HELQ: variants seen among roughly 807,000 people sequenced by gnomAD.
HELQ encodes helicase POLQ-like.
HELQ carries 77 observed loss-of-function variants against 111.6 expected under a neutral mutation model. The ratio of observed to expected loss-of-function variants is 0.69; its 90% CI spans 0.57 to 0.83. HELQ has a LOEUF of 0.83. HELQ is among the 40% of genes least tolerant of loss of function. The probability of loss-of-function intolerance (pLI) is 0.00; values close to 1 mark genes in which losing one functional copy is unlikely to be tolerated. For missense variants in HELQ, 1,200 were observed against 1,288.5 expected (o/e 0.93, Z 1.05); for synonymous variants, 438 against 454.7 (o/e 0.96, Z 0.47).
intron 1 of HELQ, 42 bp downstream of exon 1, chr4:83,455,355 G>A: frequency 6.3e-7 from 1 of 1,593,554 alleles, no homozygotes; most frequent in Non-Finnish European, 8.6e-7. Flanking sequence ...ATCTGGGAAG[G>A]ATGCCAAAAG....
At position 83,409,850 on chromosome 4, in the gene HELQ, A is replaced by G. The variant is rs545267433; in HGVS notation, c.3199-2290T>C. The stretch of plus-strand genomic sequence containing the variant: ...AAAATCATATTAGAAATAAAAACTA[A>G]TAACTATAACTAAATAACTGGGTGT... On this transcript the variant is annotated intron_variant, in intron 17 of 17. Coordinates refer to ENST00000295488, the MANE Select transcript of HELQ (RefSeq NM_133636.5). Among the ~76,000 whole-genome samples, 4 of 152,274 alleles carry G rather than the reference A, an allele frequency of 2.6e-5. No homozygotes were observed. In the South Asian group the frequency reaches 6.2e-4, roughly 24 times the overall value.
In HELQ at chr4:83,416,877, T is replaced by G; in HGVS notation, c.3064-12A>C. On this transcript the variant is annotated splice_polypyrimidine_tract_variant and intron_variant, in intron 16 of 17. Coordinates refer to ENST00000295488, the MANE Select transcript of HELQ (RefSeq NM_133636.5). ...TGTTTTGCTCGACCCTGAAAAGTGT[T>G]ACAAAAATCAGTAGGATAATAGTTT... is the stretch of plus-strand genomic sequence containing the variant. 6.3e-7 allele frequency: 1 copy of G among 1,583,170 alleles called. No individual in the cohort carries two copies. Among genetic ancestry groups the G allele is most frequent in the Non-Finnish European group, 8.6e-7 (1 of 1,168,966 alleles).
chr4:83,432,003 T>C (rs1375122360), intron 10 of HELQ, 123 bp downstream of exon 10: 3 of 568,908 alleles, frequency 5.3e-6, no homozygotes, highest in Non-Finnish European at 8.5e-6. Context: ...CTTAATCATA[T>C]AGGAAAGAAA....
intron 8 of HELQ, 83 bp downstream of exon 8, chr4:83,439,776 ATAAT>A: frequency 9.1e-6 from 8 of 875,602 alleles, no homozygotes; most frequent in Non-Finnish European, 1.4e-5. Context: ...TTTGCAAGGC[ATAAT>A]TAGTGTTTGC....
At chr4:83,445,283 G>A (rs1369410118) in intron 5 of HELQ, among the ~76,000 whole-genome samples, 3 of 152,172 alleles carry the variant, frequency 2.0e-5, no homozygotes, top group Non-Finnish European at 2.9e-5. Context: ...ATTCACTGCT[G>A]TATCCCTAGC....
At chr4:83,450,151 C>T (rs1405880719) in intron 2 of HELQ, among the ~76,000 whole-genome samples, 1 of 136,604 alleles carries the variant, frequency 7.3e-6, no homozygotes. Flanking sequence ...GTACAATCAA[C>T]CAATGAGATT....
chr4:83,418,422 T>C (rs946547724), intron 15 of HELQ, among the ~76,000 whole-genome samples: 3 of 152,078 alleles, frequency 2.0e-5, no homozygotes, highest in Non-Finnish European at 4.4e-5. Flanking sequence ...GAGGAAAAGA[T>C]TGAAAATTGA....
intron 9 of HELQ, among the ~76,000 whole-genome samples, chr4:83,433,867 G>T (rs1467941447): frequency 6.6e-6 from 1 of 151,028 alleles, no homozygotes; most frequent in Non-Finnish European, 1.5e-5. Flanking sequence ...TGTAATCCCA[G>T]CTACTTGGGA....
chr4:83,446,180 G>T (rs935244110), intron 4 of HELQ, 94 bp from the exon 5 acceptor site: 2 of 843,054 alleles, frequency 2.4e-6, no homozygotes, highest in Non-Finnish European at 4.0e-6. Flanking sequence ...TGTTTGTAAA[G>T]AGTTGCTTAT....
intron 7 of HELQ, 34 bp downstream of exon 7, chr4:83,441,271 T>C: frequency 8.3e-7 from 1 of 1,204,672 alleles, no homozygotes; most frequent in Non-Finnish European, 1.2e-6. Context: ...ACACAAAGTC[T>C]GGTAACCTGG....
chr4:83,421,808 A>G, intron 14 of HELQ, 72 bp from the exon 15 acceptor site: 1 of 1,196,906 alleles, frequency 8.4e-7, no homozygotes, highest in Non-Finnish European at 1.2e-6. Flanking sequence ...ATTGGACAAA[A>G]GGAAAACTGA....
At chr4:83,431,589 TA>T in intron 11 of HELQ, 74 bp downstream of exon 11, 1 of 583,160 alleles carries the variant, frequency 1.7e-6, no homozygotes, top group Non-Finnish European at 2.9e-6. Flanking sequence ...GTTGCATATA[TA>T]AAGTTATTGC....
intron 15 of HELQ, among the ~76,000 whole-genome samples, chr4:83,421,322 C>G (rs574125083): frequency 1.3e-5 from 2 of 152,282 alleles, no homozygotes; most frequent in Admixed American, 6.5e-5. Flanking sequence ...CAAAAAGACA[C>G]TTTTCATTAT....
chr4:83,429,694 C>T lies in HELQ; in HGVS notation c.2348G>A (p.Gly783Asp). ...TTTCAATAAAACCTTTTGCTGAACA[C>T]CAAAAAATGTACCATTCATGAAATG... ...IYHFMNGTFFGVQQKVLLKEK... is the reference protein window; with the variant it reads ...IYHFMNGTFFDVQQKVLLKEK... Residue 783 changes from glycine (G) to aspartate (D), a missense_variant, in exon 12 of 18, where the codon GGT becomes GAT. Transcript: ENST00000295488. 2 of 1,613,170 alleles carry T rather than the reference C, an allele frequency of 1.2e-6. No homozygotes were observed. Among genetic ancestry groups the T allele is most frequent in the Non-Finnish European group, 1.7e-6 (2 of 1,179,554 alleles).
In HELQ at chr4:83,448,928, A is replaced by G; in HGVS notation, c.1046T>C (p.Val349Ala). The change falls in exon 3 of 18, where the codon GTG becomes GCG. Residue 349 changes from valine to alanine, a missense_variant. Physicochemically the swap from Val to Ala is moderately conservative, Grantham distance 64. Transcript: ENST00000295488. ...ATATATTAAATTTTTTCTTTCTTGC[A>G]CAGAATTCAATGTTAAACAAGTATG... ...WQHTCLTLNS[V>A]QERKNLIYSL... 6.2e-7 allele frequency: 1 copy of G among 1,610,660 alleles called. No individual in the cohort carries two copies. The highest frequency in any genetic ancestry group is 1.1e-5 in the South Asian group (1 of 90,592).
At chr4:83,427,264 C>G (rs1719895952) in intron 13 of HELQ, among the ~76,000 whole-genome samples, 1 of 151,770 alleles carries the variant, frequency 6.6e-6, no homozygotes, top group Non-Finnish European at 1.5e-5. Flanking sequence ...ACCATAAATG[C>G]TGTTGCCAGA....
intron 14 of HELQ, among the ~76,000 whole-genome samples, chr4:83,425,504 T>C (rs1373669146): frequency 6.6e-6 from 1 of 152,192 alleles, no homozygotes; most frequent in African/African-American, 2.4e-5. Flanking sequence ...CAGACTGAAT[T>C]TTAAAACACC....
chr4:83,448,289 T>A (rs1242600585), intron 3 of HELQ, among the ~76,000 whole-genome samples: 3 of 152,224 alleles, frequency 2.0e-5, no homozygotes, highest in Admixed American at 2.0e-4. Flanking sequence ...AGTAAAACTT[T>A]CAACAACTGG....
chr4:83,424,784 C>A (rs1402196113), intron 14 of HELQ, among the ~76,000 whole-genome samples: 2 of 151,932 alleles, frequency 1.3e-5, no homozygotes, highest in Non-Finnish European at 2.9e-5. Context: ...TCTTGAACTC[C>A]TGACCTCATG....
Sources: gnomAD v4.1 joint callset for allele counts (sites outside exome capture counted in the v4.1 genomes callset) on GRCh38, gnomAD v4.1.1 for gene constraint, MANE v1.5 for transcripts, NCBI Gene and HGNC (gene_info 2026-07-23, HGNC 2026-07-21) for gene names.